The following TEX26 variants were observed in gnomAD, a reference collection of about 807,000 sequenced individuals.
TEX26 encodes testis expressed 26.
TEX26 carries 34 observed loss-of-function variants against 35.3 expected under a neutral mutation model. The ratio of observed to expected loss-of-function variants is 0.96; its 90% CI spans 0.73 to 1.28. The LOEUF is 1.28. Ranked by LOEUF, TEX26 falls within the 50% of genes most tolerant of loss-of-function variation. The pLI, the probability that TEX26 is intolerant of heterozygous loss-of-function variation, is 0.00. For synonymous variants in TEX26, 136 were observed against 111.8 expected (o/e 1.22, Z -1.36); for missense variants, 371 against 330.1 (o/e 1.12, Z -0.96).
chr13:30,957,092 C>T (rs2138278442), intron 4 of TEX26, 63 bp downstream of exon 4: 3 of 1,511,992 alleles, frequency 2.0e-6, no homozygotes, highest in Admixed American at 1.8e-5. Context: ...TTGCAGTGGT[C>T]GGCAGCATGC....
chr13:30,946,674 A>T (rs1953723164), intron 2 of TEX26, among the ~76,000 whole-genome samples: 1 of 151,938 alleles, frequency 6.6e-6, no homozygotes, highest in Non-Finnish European at 1.5e-5. Flanking sequence ...ATTACAGCCT[A>T]ATTTGGCTCT....
intron 4 of TEX26, among the ~76,000 whole-genome samples, chr13:30,963,519 T>C (rs1451838645): frequency 6.6e-6 from 1 of 152,170 alleles, no homozygotes; most frequent in Non-Finnish European, 1.5e-5. Context: ...GAATGAACAA[T>C]ATATAGTTTA....
chr13:30,941,175 C>T (rs1300004954), intron 2 of TEX26, among the ~76,000 whole-genome samples: 1 of 152,150 alleles, frequency 6.6e-6, no homozygotes, highest in African/African-American at 2.4e-5. Context: ...ACACAAAGCA[C>T]TAGGACAGTG....
intron 2 of TEX26, among the ~76,000 whole-genome samples, chr13:30,941,023 T>C (rs1039054721): frequency 2.0e-5 from 3 of 152,050 alleles, no homozygotes; most frequent in Admixed American, 6.6e-5. Context: ...GGCTATGGAG[T>C]TAGGCAGAAA....
At chr13:30,951,723 T>C (rs574172455) in intron 2 of TEX26, among the ~76,000 whole-genome samples, 1 of 152,304 alleles carries the variant, frequency 6.6e-6, no homozygotes, top group African/African-American at 2.4e-5. Flanking sequence ...CTCTAAAAGA[T>C]AAGGATGTTT....
intron 4 of TEX26, among the ~76,000 whole-genome samples, chr13:30,964,514 TG>T (rs1954460182): frequency 6.6e-6 from 1 of 152,238 alleles, no homozygotes; most frequent in African/African-American, 2.4e-5. Flanking sequence ...TACTATTGAA[TG>T]GTAGCTCTAG....
intron 2 of TEX26, among the ~76,000 whole-genome samples, chr13:30,951,262 G>A (rs1253947039): frequency 6.6e-6 from 1 of 151,830 alleles, no homozygotes; most frequent in Non-Finnish European, 1.5e-5. Context: ...AGGCTGAGGT[G>A]GGAGGATAGA....
intron 5 of TEX26, among the ~76,000 whole-genome samples, chr13:30,968,149 G>T (rs925394335): frequency 6.6e-6 from 1 of 152,158 alleles, no homozygotes. Context: ...TTATTAACAT[G>T]CATGGGAGTC....
intron 2 of TEX26, among the ~76,000 whole-genome samples, chr13:30,951,306 T>C (rs943018096): frequency 6.7e-6 from 1 of 149,588 alleles, no homozygotes; most frequent in African/African-American, 2.5e-5. Flanking sequence ...CAGTGAGCTA[T>C]GATGGTACCA....
intron 4 of TEX26, 59 bp from the exon 5 acceptor site, chr13:30,966,163 G>T: frequency 6.3e-7 from 1 of 1,580,564 alleles, no homozygotes; most frequent in Non-Finnish European, 8.7e-7. Context: ...AGCAAGAGTG[G>T]GTTTAGCTAC....
chr13:30,945,125 CAGTGTT>C (rs1216768025), intron 2 of TEX26, among the ~76,000 whole-genome samples: 2 of 151,884 alleles, frequency 1.3e-5, no homozygotes, highest in Non-Finnish European at 2.9e-5. Context: ...CTGGGAGCTC[CAGTGTT>C]AGATGCATAC....
chr13:30,960,581 A>G (rs1018330779), intron 4 of TEX26, among the ~76,000 whole-genome samples: 10 of 152,150 alleles, frequency 6.6e-5, no homozygotes, highest in African/African-American at 2.2e-4. Flanking sequence ...CTCTTCATTA[A>G]ATTTTATTAC....
At chr13:30,962,668 T>G (rs912339546) in intron 4 of TEX26, among the ~76,000 whole-genome samples, 14 of 152,216 alleles carry the variant, frequency 9.2e-5, no homozygotes, top group Non-Finnish European at 1.6e-4. Flanking sequence ...GGAATTAAGG[T>G]AAACGACTGA....
At chr13:30,954,761 C>A (rs966551034) in intron 3 of TEX26, among the ~76,000 whole-genome samples, 2 of 152,124 alleles carry the variant, frequency 1.3e-5, no homozygotes, top group African/African-American at 2.4e-5. Context: ...CTTGGTCATC[C>A]TTTATATTTT....
chr13:30,969,321 C>T (rs1402499435), intron 6 of TEX26, among the ~76,000 whole-genome samples: 2 of 152,206 alleles, frequency 1.3e-5, no homozygotes, highest in South Asian at 2.1e-4. Flanking sequence ...GGCTGAATTG[C>T]TCCAGGATGA....
Position 30,949,254 on chromosome 13 carries a change from A to G in TEX26, c.147-3406A>G, listed in dbSNP as rs577143437. Among the ~76,000 whole-genome samples the G allele has an allele frequency of 2.6e-5, 4 of 152,282 alleles. No homozygotes were observed. The East Asian group carries it at 7.7e-4, about 29-fold the overall frequency. On this transcript the variant is annotated intron_variant, in intron 2 of 6. Coordinates refer to ENST00000380473, the MANE Select transcript of TEX26 (RefSeq NM_152325.3). ...CATATGGAACCAAAAAAGAGCCCAC[A>G]TTGCCAGGTCAATCCTAAGCCAAAA...
intron 1 of TEX26, among the ~76,000 whole-genome samples, chr13:30,937,863 A>C (rs192002319): frequency 5.3e-4 from 81 of 152,344 alleles, no homozygotes; most frequent in African/African-American, 1.9e-3. Context: ...AGAGTCTGTT[A>C]AATTATAAAC....
rs151155579 is a variant in TEX26 at position 30,946,391 on chromosome 13, G to A, written c.147-6269G>A. Among the ~76,000 whole-genome samples, 347 of 151,710 alleles carry A rather than the reference G, an allele frequency of 2.3e-3. 5 individuals carry two copies. Among genetic ancestry groups the A allele is most frequent in the African/African-American group, 8.1e-3 (337 of 41,436 alleles). On this transcript the variant is annotated intron_variant, in intron 2 of 6. Transcript: ENST00000380473. ...TTATGTTGGTTTTCACCTTCTTCCG[G>A]TATCTCTCTGAGTAGCTTAATAATC...
At chr13:30,933,601 A>C (rs954717109) in intron 1 of TEX26, 1 of 152,252 alleles carries the variant, frequency 6.6e-6, no homozygotes, top group Admixed American at 6.5e-5. Flanking sequence ...CTCCCAAAAG[A>C]GTGAATGAAA....
Sources: gnomAD v4.1 joint callset for allele counts (sites outside exome capture counted in the v4.1 genomes callset) on GRCh38, gnomAD v4.1.1 for gene constraint, MANE v1.5 for transcripts, NCBI Gene and HGNC (gene_info 2026-07-23, HGNC 2026-07-21) for gene names.